The following SYN3 variants were observed in gnomAD, a reference collection of about 807,000 sequenced individuals.
SYN3 encodes the protein synapsin-3.
In SYN3, 35 loss-of-function variants were observed where a neutral mutation model predicts 65.8. The ratio of observed to expected loss-of-function variants is 0.53; its 90% CI spans 0.41 to 0.70. The LOEUF is 0.70. SYN3 is among the 30% of genes least tolerant of loss of function. SYN3 has a pLI of 0.00. For missense variants in SYN3, 680 were observed against 749.0 expected, an observed-to-expected ratio of 0.91 and a Z score of 1.08; for synonymous variants, 270 against 292.9, an observed-to-expected ratio of 0.92 and a Z score of 0.80.
intron 6 of SYN3, among the ~76,000 whole-genome samples, chr22:32,850,931 C>T (rs1007186303): frequency 6.6e-6 from 1 of 152,170 alleles, no homozygotes; most frequent in African/African-American, 2.4e-5. Context: ...TTCCTGTGTC[C>T]TGAGGCTGGA....
chr22:32,763,886 C>T (rs5998625), intron 6 of SYN3, among the ~76,000 whole-genome samples: 17,968 of 150,720 alleles, frequency 0.12, 1,076 homozygotes, highest in Admixed American at 0.16. Flanking sequence ...TTGAGGGAAG[C>T]GGACAATTGC....
chr22:32,689,115 G>T (rs2060630025), intron 6 of SYN3, among the ~76,000 whole-genome samples: 1 of 152,168 alleles, frequency 6.6e-6, no homozygotes, highest in Non-Finnish European at 1.5e-5. Context: ...GGGGTAGTGG[G>T]GGTAGCAGGT....
Position 32,607,301 on chromosome 22 carries a change from G to A in SYN3, c.712-10565C>T, listed in dbSNP as rs549784171. On this transcript the variant is annotated intron_variant, in intron 6 of 13. Coordinates refer to ENST00000358763, the MANE Select transcript of SYN3 (RefSeq NM_003490.4). The stretch of plus-strand genomic sequence containing the variant: ...ACAGACCTGCCTCCTGATCCCGGCC[G>A]CCAGGTGCTGCTGCAGAACCTGCAA... Among the ~76,000 whole-genome samples the A allele has an allele frequency of 1.2e-3, 184 of 152,202 alleles. 1 individual carries two copies. The highest frequency in any genetic ancestry group is 4.3e-3 in the African/African-American group (177 of 41,524).
intron 6 of SYN3, among the ~76,000 whole-genome samples, chr22:32,722,405 C>T (rs1433012339): frequency 6.6e-6 from 1 of 152,078 alleles, no homozygotes; most frequent in Non-Finnish European, 1.5e-5. Context: ...GCACATGGCT[C>T]GGATACAGGC....
At chr22:32,675,366 A>C (rs1342861895) in intron 6 of SYN3, among the ~76,000 whole-genome samples, 72 of 152,152 alleles carry the variant, frequency 4.7e-4, no homozygotes, top group Admixed American at 4.6e-3. Context: ...AAATCTGAGA[A>C]GGGAGAGCCA....
At chr22:32,983,285 T>C (rs1459337958) in intron 2 of SYN3, among the ~76,000 whole-genome samples, 1 of 152,236 alleles carries the variant, frequency 6.6e-6, no homozygotes, top group Non-Finnish European at 1.5e-5. Context: ...CCACATGATT[T>C]ATTTCTAATG....
At chr22:32,732,611 A>T (rs3788491) in intron 6 of SYN3, among the ~76,000 whole-genome samples, 71,088 of 151,958 alleles carry the variant, frequency 0.47, 17,138 homozygotes, top group African/African-American at 0.6. Context: ...CTCCCTGGAC[A>T]TCGTAATTTC....
intron 1 of SYN3, among the ~76,000 whole-genome samples, chr22:33,053,284 G>A (rs1176401977): frequency 6.6e-6 from 1 of 152,156 alleles, no homozygotes; most frequent in Admixed American, 6.5e-5. Context: ...TTAGCCGGGT[G>A]CGGTGGCGGG....
intron 2 of SYN3, among the ~76,000 whole-genome samples, chr22:32,988,087 T>A (rs2052582669): frequency 6.6e-6 from 1 of 151,834 alleles, no homozygotes; most frequent in Admixed American, 6.6e-5. Flanking sequence ...GGTGGGCGGT[T>A]CACGAGGTCA....
chr22:32,915,171 AGATG>A (rs2050155364), intron 4 of SYN3, among the ~76,000 whole-genome samples: 1 of 152,230 alleles, frequency 6.6e-6, no homozygotes, highest in Non-Finnish European at 1.5e-5. Flanking sequence ...TACCTAATGT[AGATG>A]ATGGGTTGAT....
chr22:32,963,866 A>T (rs1475695029), intron 3 of SYN3, among the ~76,000 whole-genome samples: 1 of 152,176 alleles, frequency 6.6e-6, no homozygotes, highest in African/African-American at 2.4e-5. Flanking sequence ...TAAGACGAGT[A>T]ATCAAAATCT....
intron 3 of SYN3, among the ~76,000 whole-genome samples, chr22:32,951,896 C>G (rs981878572): frequency 6.6e-5 from 10 of 152,346 alleles, no homozygotes; most frequent in Admixed American, 6.5e-4. Flanking sequence ...TGGGCCCCCT[C>G]CCCTCCTCCA....
At chr22:33,043,274 A>G (rs1274437016) in intron 1 of SYN3, among the ~76,000 whole-genome samples, 1 of 152,222 alleles carries the variant, frequency 6.6e-6, no homozygotes, top group East Asian at 1.9e-4. Context: ...AGAGCTGGGC[A>G]CAGTGGCTCA....
At chr22:32,549,708 G>C (rs974756555) in intron 7 of SYN3, among the ~76,000 whole-genome samples, 4 of 152,172 alleles carry the variant, frequency 2.6e-5, no homozygotes, top group Non-Finnish European at 5.9e-5. Context: ...AGACCAGCCT[G>C]GCCAGCATAG....
At chr22:32,763,977 G>A (rs1352821697) in intron 6 of SYN3, among the ~76,000 whole-genome samples, 4 of 145,044 alleles carry the variant, frequency 2.8e-5, no homozygotes, top group East Asian at 2.1e-4. Context: ...TCACTCTGTC[G>A]CTCAGGCTGG....
In SYN3 at chr22:32,726,257, C is replaced by T. The variant is rs575851111; in HGVS notation, c.712-129521G>A. On this transcript the variant is annotated intron_variant, in intron 6 of 13. Transcript: ENST00000358763. ...TCCCGGGTTCAAGAGATTCTCTTGC[C>T]TCAGCTTCCCAAGTAGCTGGGATTA... Among the ~76,000 whole-genome samples the T allele has an allele frequency of 1.7e-3, 256 of 152,326 alleles. 1 individual carries two copies. The highest frequency in any genetic ancestry group is 5.3e-3 in the African/African-American group (220 of 41,568).
At chr22:32,628,748 A>G (rs2059705534) in intron 6 of SYN3, among the ~76,000 whole-genome samples, 1 of 141,434 alleles carries the variant, frequency 7.1e-6, no homozygotes, top group East Asian at 2.2e-4. Flanking sequence ...GACTTCGTCT[A>G]AAAAAAAAAA....
intron 2 of SYN3, among the ~76,000 whole-genome samples, chr22:32,991,956 G>A (rs1234792391): frequency 6.6e-6 from 1 of 152,216 alleles, no homozygotes; most frequent in Non-Finnish European, 1.5e-5. Flanking sequence ...CATCTGCCCA[G>A]AGCCCTGCCT....
chr22:32,608,400 C>G (rs996728818), intron 6 of SYN3, among the ~76,000 whole-genome samples: 13 of 152,336 alleles, frequency 8.5e-5, no homozygotes, highest in Admixed American at 4.6e-4. Context: ...ATGGGAATTA[C>G]TGTTCTTCTT....
Sources: allele counts gnomAD v4.1 joint callset (sites outside exome capture counted in the v4.1 genomes callset), GRCh38; gene constraint gnomAD v4.1.1; transcripts MANE v1.5; gene names NCBI Gene and HGNC (gene_info 2026-07-23, HGNC 2026-07-21).